The following TMEM65 variants were observed in gnomAD, a reference collection of about 807,000 sequenced individuals.
The protein encoded by TMEM65 is transmembrane protein 65.
Under a neutral mutation model 25.4 loss-of-function variants are expected in TMEM65, and 22 were observed. The observed-to-expected ratio is 0.86, with a 90% CI of 0.62 to 1.23. The LOEUF is 1.23. Ranked by LOEUF, TMEM65 falls within the 50% of genes most tolerant of loss-of-function variation. TMEM65 has a pLI of 0.00. For synonymous variants in TMEM65, 132 were observed against 126.2 expected, an observed-to-expected ratio of 1.05 and a Z score of -0.31; for missense variants, 262 against 308.2, an observed-to-expected ratio of 0.85 and a Z score of 1.12.
chr8:124,329,971 C>T (rs1056863238), intron 2 of TMEM65, among the ~76,000 whole-genome samples: 1 of 151,738 alleles, frequency 6.6e-6, no homozygotes, highest in East Asian at 1.9e-4. Flanking sequence ...TTACATTCTA[C>T]CTGTCAGAGA....
intron 1 of TMEM65, among the ~76,000 whole-genome samples, chr8:124,357,290 T>G (rs1361533105): frequency 6.6e-6 from 1 of 152,156 alleles, no homozygotes; most frequent in Non-Finnish European, 1.5e-5. Context: ...AATTAATTAC[T>G]AAATATCTTT....
rs548715874 is a variant in TMEM65, at chr8:124,359,942, T to C, written c.304+11912A>G. On this transcript the variant is annotated intron_variant, in intron 1 of 6. Coordinates refer to ENST00000297632, the MANE Select transcript of TMEM65 (RefSeq NM_194291.3). ...TGCTTCTTTTTCAGAGCTATCATATTGAGTCTAGGCGCAGAGAACGCTTTC... is the reference window on the plus strand; with the variant it reads ...TGCTTCTTTTTCAGAGCTATCATATCGAGTCTAGGCGCAGAGAACGCTTTC... Among the ~76,000 whole-genome samples, 4 of 152,246 alleles carry C rather than the reference T, an allele frequency of 2.6e-5. No individual in the cohort carries two copies. The East Asian group carries it at 5.8e-4, about 22-fold the overall frequency.
At chr8:124,362,191 C>G (rs538786282) in intron 1 of TMEM65, among the ~76,000 whole-genome samples, 10 of 151,880 alleles carry the variant, frequency 6.6e-5, no homozygotes, top group Admixed American at 1.3e-4. Context: ...TGTGCCAGGC[C>G]AAGATATGTT....
At chr8:124,364,171 AAGGG>A (rs1814909752) in intron 1 of TMEM65, among the ~76,000 whole-genome samples, 1 of 152,206 alleles carries the variant, frequency 6.6e-6, no homozygotes, top group South Asian at 2.1e-4. Context: ...CTGAAAAGCA[AAGGG>A]AGGAAGTAAA....
intron 1 of TMEM65, among the ~76,000 whole-genome samples, chr8:124,368,598 A>G (rs1415479925): frequency 6.6e-6 from 1 of 152,196 alleles, no homozygotes; most frequent in Non-Finnish European, 1.5e-5. Flanking sequence ...TCGCTCTCTC[A>G]TCACTTGCTC....
At chr8:124,362,387 C>G (rs560684921) in intron 1 of TMEM65, among the ~76,000 whole-genome samples, 5 of 151,838 alleles carry the variant, frequency 3.3e-5, no homozygotes, top group African/African-American at 9.7e-5. Flanking sequence ...ATTGGCTGGT[C>G]GCAGTGGCTC....
rs1814093690 is a variant in TMEM65, at chr8:124,306,551, T to TA, written c.*7408dup. 6.6e-6 allele frequency: 1 copy of TA among 152,204 alleles called. No individual in the cohort carries two copies. Among genetic ancestry groups the TA allele is most frequent in the Non-Finnish European group, 1.5e-5 (1 of 68,064 alleles). The allele number at this position is 152,204 out of a possible 1,614,324, so 9.4% of individuals were successfully genotyped here. A position where few individuals can be genotyped will look rare whatever the true frequency, so the allele number is the denominator to read the frequency against. On this transcript the variant is annotated 3_prime_UTR_variant, in exon 7 of 7. Coordinates refer to ENST00000297632, the MANE Select transcript of TMEM65 (RefSeq NM_194291.3). Reference sequence around the variant, plus strand: ...GCAGATGCACCATGTAGCTTAGAAATACTGAAAAACTAAGAAAAAGGTGTG... The same window carrying TA: ...GCAGATGCACCATGTAGCTTAGAAATAACTGAAAAACTAAGAAAAAGGTGTG...
At chr8:124,343,598 T>C (rs1814608404) in intron 1 of TMEM65, among the ~76,000 whole-genome samples, 1 of 152,090 alleles carries the variant, frequency 6.6e-6, no homozygotes, top group Non-Finnish European at 1.5e-5. Flanking sequence ...AGGGCCTCTC[T>C]AGACTCTTCA....
chr8:124,372,024 C>G lies in TMEM65; in HGVS notation c.134G>C (p.Gly45Ala). Residue 45 changes from glycine to alanine, a missense_variant, in exon 1 of 7, where the codon GGC (glycine) becomes GCC (alanine). Transcript: ENST00000297632. Reference sequence around the variant, plus strand: ...CCGCCTGGGGCCGCCCGGCAAGCCGCCGGGGGGCGCGAGCGCCAGCAGCCC... The same window carrying G: ...CCGCCTGGGGCCGCCCGGCAAGCCGGCGGGGGGCGCGAGCGCCAGCAGCCC... ...GRGLLALAPP[G>A]GLPGGPRRLG... 1 of 1,271,032 alleles carries G rather than the reference C, an allele frequency of 7.9e-7. No homozygotes were observed. The highest frequency in any genetic ancestry group is 9.9e-7 in the Non-Finnish European group (1 of 1,007,598). 78.7% of individuals were successfully genotyped at this position (1,271,032 alleles called of 1,614,324 possible).
intron 1 of TMEM65, among the ~76,000 whole-genome samples, chr8:124,356,565 G>T (rs904978290): frequency 6.6e-6 from 1 of 151,952 alleles, no homozygotes; most frequent in African/African-American, 2.4e-5. Flanking sequence ...CTAAAATCTG[G>T]CTTCTCCTCA....
chr8:124,307,871 G>A lies in TMEM65; in HGVS notation c.*6089C>T, dbSNP rs954162975. ...AAGGCAGACAGAAGTGCCCTATTAT[G>A]GAAAAATAATAATATGCCACAAAGA... On this transcript the variant is annotated 3_prime_UTR_variant, in exon 7 of 7. Coordinates refer to ENST00000297632, the MANE Select transcript of TMEM65 (RefSeq NM_194291.3). The A allele has an allele frequency of 1.3e-5, 2 of 152,054 alleles. No individual in the cohort carries two copies. Among genetic ancestry groups the A allele is most frequent in the Non-Finnish European group, 2.9e-5 (2 of 68,020 alleles). The allele number at this position is 152,054 out of a possible 1,614,324, so 9.4% of individuals were successfully genotyped here.
intron 1 of TMEM65, among the ~76,000 whole-genome samples, chr8:124,361,687 T>C (rs1814863878): frequency 6.7e-6 from 1 of 149,540 alleles, no homozygotes; most frequent in African/African-American, 2.5e-5. Context: ...AATACAAAAA[T>C]TAGCCGGGAA....
At chr8:124,334,054 AAATAAGTAAAGAT>A (rs1336256771) in intron 1 of TMEM65, among the ~76,000 whole-genome samples, 44 of 152,244 alleles carry the variant, frequency 2.9e-4, no homozygotes, top group Non-Finnish European at 5.6e-4. Flanking sequence ...ACTAAGGGCA[AAATAAGTAAAGAT>A]TTGAAGGCAT....
intron 1 of TMEM65, among the ~76,000 whole-genome samples, chr8:124,350,742 G>A (rs1472885890): frequency 6.6e-6 from 1 of 151,860 alleles, no homozygotes. Context: ...CTACTCATTT[G>A]TCCTAAAGAA....
chr8:124,329,668 T>C (rs930163345), intron 2 of TMEM65, among the ~76,000 whole-genome samples: 2 of 151,956 alleles, frequency 1.3e-5, no homozygotes, highest in African/African-American at 4.8e-5. Context: ...GGAAAAAATA[T>C]AGTTTTTCAA....
intron 1 of TMEM65, among the ~76,000 whole-genome samples, chr8:124,351,824 T>C (rs1020781854): frequency 2.0e-4 from 31 of 152,216 alleles, no homozygotes; most frequent in African/African-American, 6.5e-4. Flanking sequence ...AGCAGTTCAA[T>C]AGCAGTGTCA....
chr8:124,351,051 G>C (rs1427138474), intron 1 of TMEM65: 1 of 984,928 alleles, frequency 1.0e-6, no homozygotes, highest in Non-Finnish European at 1.2e-6. Flanking sequence ...AGCTATCAGG[G>C]GTCTCTGCTG....
chr8:124,333,703 C>T (rs888113522), intron 1 of TMEM65, among the ~76,000 whole-genome samples: 1 of 152,072 alleles, frequency 6.6e-6, no homozygotes, highest in Non-Finnish European at 1.5e-5. Flanking sequence ...CCTGAAAGCA[C>T]TGGAAAATTA....
chr8:124,323,348 T>C lies in TMEM65; in HGVS notation c.445A>G (p.Ile149Val). 6.6e-7 allele frequency: 1 copy of C among 1,510,252 alleles called. No individual in the cohort carries two copies. The highest frequency in any genetic ancestry group is 9.0e-7 in the Non-Finnish European group (1 of 1,106,512). 93.6% of individuals were successfully genotyped at this position (1,510,252 alleles called of 1,614,324 possible). A position where few individuals can be genotyped will look rare whatever the true frequency, so the allele number is the denominator to read the frequency against. Reference protein sequence around the residue: ...AGTHIEMSIGIILGISTMAAA... With the variant: ...AGTHIEMSIGVILGISTMAAA... ...GCCATAGTTGAAATTCCCAAAATAA[T>C]TCCAATAGACATTTCAATATGGGTT... The change falls in exon 4 of 7, where the codon ATT becomes GTT. Residue 149 changes from isoleucine to valine, a missense_variant. By Grantham distance (29) the Ile-to-Val change is conservative. Coordinates refer to ENST00000297632, the MANE Select transcript of TMEM65 (RefSeq NM_194291.3).
Sources: gnomAD v4.1 joint callset for allele counts (sites outside exome capture counted in the v4.1 genomes callset) on GRCh38, gnomAD v4.1.1 for gene constraint, MANE v1.5 for transcripts, NCBI Gene and HGNC (gene_info 2026-07-23, HGNC 2026-07-21) for gene names.